The following MYOC variants were observed in gnomAD, a reference collection of about 807,000 sequenced individuals.
MYOC encodes the protein myocilin.
Under a neutral mutation model 28.2 loss-of-function variants are expected in MYOC, and 29 were observed. That is an observed-to-expected ratio of 1.03 (90% CI 0.77 to 1.40). The LOEUF (loss-of-function observed/expected upper bound fraction) is 1.40, where lower values mean the gene tolerates loss of function less well. Ranked by LOEUF, MYOC falls within the 40% of genes most tolerant of loss-of-function variation. The pLI, the probability that MYOC is intolerant of heterozygous loss-of-function variation, is 0.00. For synonymous variants in MYOC, 240 were observed against 245.6 expected, an observed-to-expected ratio of 0.98 and a Z score of 0.21; for missense variants, 569 against 620.6, an observed-to-expected ratio of 0.92 and a Z score of 0.88.
chr1:171,639,767 G>A (rs577622409), intron 1 of MYOC, among the ~76,000 whole-genome samples: 12 of 149,746 alleles, frequency 8.0e-5, no homozygotes, highest in African/African-American at 2.5e-4. Flanking sequence ...CCTGGCCAGC[G>A]TGGTGAAATT....
At position 171,636,655 on chromosome 1, in the gene MYOC, G is replaced by T. The variant is rs1370855815; in HGVS notation, c.785C>A (p.Thr262Lys). The T allele has an allele frequency of 5.0e-6, 8 of 1,609,334 alleles. No homozygotes were observed. Among genetic ancestry groups the T allele is most frequent in the Non-Finnish European group, 6.8e-6 (8 of 1,180,020 alleles). ...GEPLTLRTAE[T>K]ITGKYGVWMR... ...CCACACACCATACTTGCCAGTAATT[G>T]TTTCTGCTGTTCTCAGCGTGAGAGG... The change falls in exon 3 of 3, where the codon ACA becomes AAA. Residue 262 changes from threonine (T) to lysine (K), a missense_variant. Physicochemically the swap from Thr to Lys is moderately conservative, Grantham distance 78 (BLOSUM62 -1). Transcript: ENST00000037502.
Position 171,639,027 on chromosome 1 carries a change from G to A in MYOC, c.605-305C>T, listed in dbSNP as rs150707698. Among the ~76,000 whole-genome samples the A allele has an allele frequency of 1.9e-3, 208 of 110,486 alleles. 1 individual carries two copies. The highest frequency in any genetic ancestry group is 6.7e-3 in the African/African-American group (200 of 29,772). The allele number at this position is 110,486 out of a possible 152,430, so 72.5% of individuals were successfully genotyped here. A position where few individuals can be genotyped will look rare whatever the true frequency, so the allele number is the denominator to read the frequency against. On this transcript the variant is annotated intron_variant, in intron 1 of 2. Coordinates refer to ENST00000037502, the MANE Select transcript of MYOC (RefSeq NM_000261.2). ...AGGAGAATTGCTTGAACCAAGGAGGGGGAGATTGCTGTGAGCCGAGACTAC... is the reference window on the plus strand; with the variant it reads ...AGGAGAATTGCTTGAACCAAGGAGGAGGAGATTGCTGTGAGCCGAGACTAC...
intron 1 of MYOC, 138 bp downstream of exon 1, chr1:171,651,870 T>C: frequency 8.0e-7 from 1 of 1,250,544 alleles, no homozygotes; most frequent in Non-Finnish European, 1.2e-6. Context: ...CGCTGTGCTT[T>C]CCTTAATTCA....
Position 171,652,146 on chromosome 1 carries a change from T to A in MYOC, c.466A>T (p.Lys156Ter), listed in dbSNP as rs1392197716. ...TCATTTTCTTGCCTTAGTCGCTTCT[T>A]CTCTTCCTCCAGAACTGACTTGTCT... ...LRDKSVLEEE[K>*]KRLRQENENL... The change falls in exon 1 of 3, where the codon AAG (lysine) becomes TAG (stop). Residue 156 changes from lysine (K) to a stop codon, truncating the protein, a stop_gained. Coordinates refer to ENST00000037502, the MANE Select transcript of MYOC (RefSeq NM_000261.2). LOFTEE classifies it high-confidence loss of function. 6.2e-7 allele frequency: 1 copy of A among 1,614,132 alleles called. No individual in the cohort carries two copies. Among genetic ancestry groups the A allele is most frequent in the East Asian group, 2.2e-5 (1 of 44,870 alleles).
chr1:171,638,462 C>T (rs1652986420), intron 2 of MYOC, 135 bp downstream of exon 2: 2 of 987,428 alleles, frequency 2.0e-6, no homozygotes, highest in Admixed American at 3.8e-5. Context: ...TCCTCTTCTC[C>T]TCCCCTCCCT....
intron 1 of MYOC, among the ~76,000 whole-genome samples, chr1:171,644,419 C>A (rs1357978558): frequency 1.3e-5 from 2 of 151,750 alleles, no homozygotes; most frequent in Non-Finnish European, 2.9e-5. Context: ...AGTAGGGGTA[C>A]CTACCTACCA....
intron 1 of MYOC, among the ~76,000 whole-genome samples, chr1:171,641,257 G>T (rs1193057668): frequency 6.6e-6 from 1 of 152,120 alleles, no homozygotes; most frequent in African/African-American, 2.4e-5. Context: ...AGCCCAAGAG[G>T]AAGGGGGCAC....
Position 171,652,443 on chromosome 1 carries a change from T to C in MYOC, c.169A>G (p.Asn57Asp). 2 of 1,614,230 alleles carry C rather than the reference T, an allele frequency of 1.2e-6. No individual in the cohort carries two copies. The highest frequency in any genetic ancestry group is 1.7e-6 in the Non-Finnish European group (2 of 1,180,040). ...CTCTGCTCTGGGCAGCTGGATTCATTGGGACTGGCCACACTGAAGGTATAC... is the reference window on the plus strand; with the variant it reads ...CTCTGCTCTGGGCAGCTGGATTCATCGGGACTGGCCACACTGAAGGTATAC... ...CQYTFSVASP[N>D]ESSCPEQSQA... Residue 57 changes from asparagine to aspartate, a missense_variant, in exon 1 of 3, where the codon AAT becomes GAT. Physicochemically the swap from Asn to Asp is conservative, Grantham distance 23. Coordinates refer to ENST00000037502, the MANE Select transcript of MYOC (RefSeq NM_000261.2).
Position 171,636,643 on chromosome 1 carries a change from T to C in MYOC, c.797A>G (p.Lys266Arg). Residue 266 changes from lysine to arginine, a missense_variant, in exon 3 of 3, where the codon AAG becomes AGG. Lys to Arg is a conservative substitution (Grantham distance 26). Transcript: ENST00000037502. ...GGGGTCTCGCATCCACACACCATAC[T>C]TGCCAGTAATTGTTTCTGCTGTTCT... The part of the protein sequence containing the change: ...TLRTAETITG[K>R]YGVWMRDPKP... 6.2e-7 allele frequency: 1 copy of C among 1,611,030 alleles called. No individual in the cohort carries two copies. The highest frequency in any genetic ancestry group is 8.5e-7 in the Non-Finnish European group (1 of 1,180,036).
intron 1 of MYOC, among the ~76,000 whole-genome samples, chr1:171,646,347 C>G (rs1301413680): frequency 6.6e-6 from 1 of 152,110 alleles, no homozygotes; most frequent in East Asian, 1.9e-4. Context: ...AAAGATGTGT[C>G]AACACTAAAA....
chr1:171,641,600 C>G (rs235868), intron 1 of MYOC, among the ~76,000 whole-genome samples: 1 of 152,004 alleles, frequency 6.6e-6, no homozygotes, highest in East Asian at 1.9e-4. Context: ...CTTTGCTAAC[C>G]GTAGGAACTG....
intron 1 of MYOC, among the ~76,000 whole-genome samples, chr1:171,640,290 T>C (rs180936128): frequency 3.8e-4 from 58 of 152,090 alleles, no homozygotes; most frequent in African/African-American, 1.3e-3. Flanking sequence ...TGGTGAGCCA[T>C]ACAGAAGGGA....
chr1:171,638,507 G>C, intron 2 of MYOC, 90 bp downstream of exon 2: 12 of 1,490,640 alleles, frequency 8.1e-6, no homozygotes, highest in Non-Finnish European at 1.1e-5. Context: ...CCCTTGGGTG[G>C]GCATTTACCC....
chr1:171,652,373 G>T lies in MYOC; in HGVS notation c.239C>A (p.Thr80Asn), dbSNP rs886045567. 1.2e-6 allele frequency: 2 copies of T among 1,612,882 alleles called. No individual in the cohort carries two copies. The highest frequency in any genetic ancestry group is 1.7e-6 in the Non-Finnish European group (2 of 1,178,954). ...VIHNLQRDSS[T>N]QRLDLEATKA... ...GGTGGCCTCCAGGTCTAAGCGTTGG[G>T]TGCTGCTGTCTCTCTGTAAGTTATG... Residue 80 changes from threonine (T) to asparagine (N), a missense_variant, in exon 1 of 3, where the codon ACC becomes AAC. Physicochemically the swap from Thr to Asn is moderately conservative, Grantham distance 65. Coordinates refer to ENST00000037502, the MANE Select transcript of MYOC (RefSeq NM_000261.2).
chr1:171,647,762 C>A lies in MYOC; in HGVS notation c.604+4246G>T, dbSNP rs1359707010. ...CACCTCAGGTTTCTCCCCTCACCCT[C>A]CCCTCACATCCTGCCCACTTTTTTG... On this transcript the variant is annotated intron_variant, in intron 1 of 2. Coordinates refer to ENST00000037502, the MANE Select transcript of MYOC (RefSeq NM_000261.2). 2.6e-5 allele frequency among the ~76,000 whole-genome samples: 4 copies of A among 152,300 alleles called. No homozygotes were observed. The East Asian group carries it at 7.7e-4, about 29-fold the overall frequency.
chr1:171,648,339 C>T (rs549762904), intron 1 of MYOC, among the ~76,000 whole-genome samples: 2 of 152,280 alleles, frequency 1.3e-5, no homozygotes, highest in South Asian at 2.1e-4. Flanking sequence ...GTCTACACAG[C>T]CCCTCTGAAG....
Position 171,638,600 on chromosome 1 carries a change from T to C in MYOC, c.727A>G (p.Thr243Ala). Residue 243 changes from threonine (T) to alanine (A), a missense_variant, in exon 2 of 3, where the codon ACC becomes GCC. Physicochemically the swap from Thr to Ala is moderately conservative, Grantham distance 58. Transcript: ENST00000037502. ...GGGAAGAAACTTAACTTCATACCGG[T>C]GTCTCCCTCTCCACTCCTGAGATAG... ...SGYLRSGEGD[T>A]GCGELVWVGE... The C allele has an allele frequency of 6.2e-7, 1 of 1,614,108 alleles. No homozygotes were observed. The highest frequency in any genetic ancestry group is 1.1e-5 in the South Asian group (1 of 91,082).
At chr1:171,649,469 A>G (rs1030298795) in intron 1 of MYOC, among the ~76,000 whole-genome samples, 7 of 152,120 alleles carry the variant, frequency 4.6e-5, no homozygotes, top group Non-Finnish European at 8.8e-5. Context: ...GGGTCTATAA[A>G]CCAGAGGTCA....
At chr1:171,639,025 G>A (rs41263716) in intron 1 of MYOC, among the ~76,000 whole-genome samples, 1 of 131,628 alleles carries the variant, frequency 7.6e-6, no homozygotes, top group African/African-American at 2.9e-5. Context: ...GAACCAAGGA[G>A]GGGGAGATTG....
Sources: allele counts gnomAD v4.1 joint callset (sites outside exome capture counted in the v4.1 genomes callset), GRCh38; gene constraint gnomAD v4.1.1; transcripts MANE v1.5; gene names NCBI Gene and HGNC (gene_info 2026-07-23, HGNC 2026-07-21).